The following PLEKHH2 variants were observed in gnomAD, a reference collection of about 807,000 sequenced individuals.
The protein encoded by PLEKHH2 is pleckstrin homology, MyTH4 and FERM domain containing H2, also known as pleckstrin homology domain-containing family H member 2.
A neutral mutation model predicts 187.9 loss-of-function variants in PLEKHH2; 129 were observed. That is an observed-to-expected ratio of 0.69 (90% CI 0.59 to 0.79). The LOEUF (loss-of-function observed/expected upper bound fraction) is 0.79. Among genes scored for constraint, PLEKHH2 ranks in the 30% least tolerant of loss-of-function variants. The pLI is 0.00. For synonymous variants in PLEKHH2, 686 were observed against 605.6 expected (o/e 1.13, Z -1.95); for missense variants, 2,076 against 1,751.2 (o/e 1.19, Z -3.31).
chr2:43,652,136 A>G (rs1666506724), intron 2 of PLEKHH2, among the ~76,000 whole-genome samples: 1 of 152,218 alleles, frequency 6.6e-6, no homozygotes, highest in South Asian at 2.1e-4. Context: ...GTGCACTCCA[A>G]TTCACTTATT....
chr2:43,723,791 C>G (rs1670606846), intron 16 of PLEKHH2, among the ~76,000 whole-genome samples: 1 of 152,172 alleles, frequency 6.6e-6, no homozygotes, highest in Admixed American at 6.5e-5. Context: ...AACTGGAGGG[C>G]TTTGAGCGGA....
intron 8 of PLEKHH2, among the ~76,000 whole-genome samples, chr2:43,701,266 G>A (rs1387549001): frequency 6.6e-6 from 1 of 152,214 alleles, no homozygotes; most frequent in Non-Finnish European, 1.5e-5. Context: ...CAGAACAGAT[G>A]GTTGTTTCCT....
In PLEKHH2 at chr2:43,653,580, T is replaced by C. The variant is rs191223483; in HGVS notation, c.123+8784T>C. Among the ~76,000 whole-genome samples the C allele has an allele frequency of 2.7e-3, 404 of 152,286 alleles. 3 individuals are homozygous for C. Among genetic ancestry groups the C allele is most frequent in the Non-Finnish European group, 4.3e-3 (292 of 68,026 alleles). The stretch of plus-strand genomic sequence containing the variant: ...CCAAGAACGAGGAAGGCATGGGATA[T>C]AGGAAACAAGAGATTCTATATGGGA... On this transcript the variant is annotated intron_variant, in intron 2 of 29. Transcript: ENST00000282406.
chr2:43,693,464 A>C (rs1206702623), intron 4 of PLEKHH2, among the ~76,000 whole-genome samples: 1 of 152,318 alleles, frequency 6.6e-6, no homozygotes, highest in African/African-American at 2.4e-5. Context: ...TATTAGTCAC[A>C]CCTGTAATCC....
At position 43,712,364 on chromosome 2, in the gene PLEKHH2, T is replaced by G; in HGVS notation, c.2441T>G (p.Met814Arg). The G allele has an allele frequency of 6.2e-7, 1 of 1,614,130 alleles. No individual in the cohort carries two copies. Among genetic ancestry groups the G allele is most frequent in the Non-Finnish European group, 8.5e-7 (1 of 1,180,026 alleles). Residue 814 changes from methionine (M) to arginine (R), a missense_variant, in exon 15 of 30, where the codon ATG (methionine) becomes AGG (arginine). Met to Arg is a moderately conservative substitution (Grantham distance 91, BLOSUM62 -1). Transcript: ENST00000282406. ...CTGCAGCCTGAGGGCAAACCCACCA[T>G]GAAGGGATTGCTCACTAAGGTAGGA... is the stretch of plus-strand genomic sequence containing the variant. ...LSLQPEGKPT[M>R]KGLLTKVKHG...
At position 43,720,740 on chromosome 2, in the gene PLEKHH2, A is replaced by G; in HGVS notation, c.2532A>G (p.Gln844=). The part of the protein sequence containing the change: ...IGKTLYYFRS[Q]EDKFPLGQIK... ...AGACATTATATTATTTTCGGAGTCA[A>G]GAAGATAAGGTATGTATGTATTTTT... Residue 844 remains glutamine, a synonymous_variant, in exon 16 of 30, where the codon CAA becomes CAG. Coordinates refer to ENST00000282406, the MANE Select transcript of PLEKHH2 (RefSeq NM_172069.4). 1 of 1,609,570 alleles carries G rather than the reference A, an allele frequency of 6.2e-7. No individual in the cohort carries two copies. The highest frequency in any genetic ancestry group is 8.5e-7 in the Non-Finnish European group (1 of 1,178,536).
chr2:43,731,714 A>T (rs972335624), intron 19 of PLEKHH2, 112 bp downstream of exon 19: 2 of 651,502 alleles, frequency 3.1e-6, no homozygotes, highest in Non-Finnish European at 5.1e-6. Flanking sequence ...TACTCCAAGA[A>T]AATTCAAAAT....
In PLEKHH2 at chr2:43,675,912, C is replaced by T. The variant is rs1470410439; in HGVS notation, c.124-2951C>T. 25 of 1,613,926 alleles carry T rather than the reference C, an allele frequency of 1.5e-5. No homozygotes were observed. The East Asian group carries it at 5.6e-4, about 36-fold the overall frequency. On this transcript the variant is annotated intron_variant, in intron 2 of 29. Coordinates refer to ENST00000282406, the MANE Select transcript of PLEKHH2 (RefSeq NM_172069.4). ...ACGTAGTGGGAAGTGCAAGGAAGAA[C>T]CAGTTGTAGTTGTCACCATACTTTT... is the stretch of plus-strand genomic sequence containing the variant.
At chr2:43,643,676 T>A (rs1315611817) in intron 1 of PLEKHH2, among the ~76,000 whole-genome samples, 2 of 152,136 alleles carry the variant, frequency 1.3e-5, no homozygotes, top group Non-Finnish European at 2.9e-5. Context: ...CCGTTCTTCA[T>A]AACTGAGGCT....
intron 24 of PLEKHH2, among the ~76,000 whole-genome samples, chr2:43,751,962 C>T (rs141446728): frequency 1.5e-3 from 230 of 148,610 alleles, no homozygotes; most frequent in African/African-American, 5.6e-3. Flanking sequence ...CTTCCTTTTC[C>T]CCTGTCAGGC....
intron 3 of PLEKHH2, among the ~76,000 whole-genome samples, chr2:43,689,347 G>A (rs1685475352): frequency 1.3e-5 from 2 of 152,192 alleles, no homozygotes; most frequent in African/African-American, 4.8e-5. Context: ...AAAACAGGAA[G>A]CATTCCACAC....
chr2:43,680,903 G>A (rs925733693), intron 3 of PLEKHH2: 7 of 607,012 alleles, frequency 1.2e-5, no homozygotes, highest in Non-Finnish European at 2.0e-5. Context: ...TTCTGTTTCT[G>A]CCTGGTTGAA....
intron 18 of PLEKHH2, among the ~76,000 whole-genome samples, chr2:43,730,911 G>A (rs1488282704): frequency 2.0e-5 from 3 of 152,078 alleles, no homozygotes; most frequent in African/African-American, 7.2e-5. Flanking sequence ...TCTTTCCCCA[G>A]CTCTTTCTCA....
At chr2:43,693,583 G>A (rs1193193036) in intron 4 of PLEKHH2, among the ~76,000 whole-genome samples, 1 of 151,938 alleles carries the variant, frequency 6.6e-6, no homozygotes, top group African/African-American at 2.4e-5. Flanking sequence ...AATTAGCCGG[G>A]CGTGGTGGCG....
At position 43,704,071 on chromosome 2, in the gene PLEKHH2, A is replaced by G. The variant is rs781552456; in HGVS notation, c.1726+15A>G. ...TGTTAATAAAAGTAAGTGCTTTTTC[A>G]TGCTGCCACCTGGATGAACCTTGAG... On this transcript the variant is annotated intron_variant, in intron 9 of 29. Coordinates refer to ENST00000282406, the MANE Select transcript of PLEKHH2 (RefSeq NM_172069.4). 5.2e-6 allele frequency: 8 copies of G among 1,546,632 alleles called. No individual in the cohort carries two copies. The highest frequency in any genetic ancestry group is 2.2e-5 in the East Asian group (1 of 44,602).
Position 43,767,744 on chromosome 2 carries a change from A to G in PLEKHH2, c.*2146A>G, listed in dbSNP as rs925323600. On this transcript the variant is annotated 3_prime_UTR_variant, in exon 30 of 30. Transcript: ENST00000282406. ...AGTGAAGGCTTATCTTAAACTGTGT[A>G]GTACCTTAGACTTGGCATTTATTTT... 4 of 152,806 alleles carry G rather than the reference A, an allele frequency of 2.6e-5. No homozygotes were observed. Among genetic ancestry groups the G allele is most frequent in the African/African-American group, 9.6e-5 (4 of 41,458 alleles). The allele number at this position is 152,806 out of a possible 1,614,324, so 9.5% of individuals were successfully genotyped here. A position where few individuals can be genotyped will look rare whatever the true frequency, so the allele number is the denominator to read the frequency against.
At chr2:43,699,543 A>G (rs1572577377) in intron 7 of PLEKHH2, 104 bp from the exon 8 acceptor site, 9 of 1,410,988 alleles carry the variant, frequency 6.4e-6, no homozygotes, top group Non-Finnish European at 8.7e-6. Flanking sequence ...GCACCCAGCA[A>G]ATTTCTACAG....
intron 2 of PLEKHH2, among the ~76,000 whole-genome samples, chr2:43,647,377 C>A (rs1004071337): frequency 6.6e-6 from 1 of 152,210 alleles, no homozygotes; most frequent in Non-Finnish European, 1.5e-5. Flanking sequence ...AGTAGTGGAG[C>A]CAAGATTCAA....
intron 20 of PLEKHH2, among the ~76,000 whole-genome samples, chr2:43,739,113 A>G (rs937235916): frequency 1.3e-5 from 2 of 152,016 alleles, no homozygotes; most frequent in African/African-American, 2.4e-5. Flanking sequence ...CTGGCCTCGA[A>G]CTCCTGATCT....
Sources: gnomAD v4.1 joint callset for allele counts (sites outside exome capture counted in the v4.1 genomes callset) on GRCh38, gnomAD v4.1.1 for gene constraint, MANE v1.5 for transcripts, NCBI Gene and HGNC (gene_info 2026-07-23, HGNC 2026-07-21) for gene names.